The following MAP4 variants were observed in gnomAD, a reference collection of about 807,000 sequenced individuals.
MAP4 encodes the protein microtubule-associated protein 4.
A neutral mutation model predicts 170.2 loss-of-function variants in MAP4; 76 were observed. The observed-to-expected ratio is 0.45, with a 90% CI of 0.37 to 0.54. MAP4 has a LOEUF of 0.54. MAP4 is among the 20% of genes least tolerant of loss of function. MAP4 has a pLI of 0.00. For synonymous variants in MAP4, 909 were observed against 994.5 expected (o/e 0.91, Z 1.62); for missense variants, 2,506 against 2,748.0 (o/e 0.91, Z 1.97).
intron 1 of MAP4, among the ~76,000 whole-genome samples, chr3:48,004,144 TG>T (rs2100100910): frequency 6.6e-6 from 1 of 152,188 alleles, no homozygotes; most frequent in Non-Finnish European, 1.5e-5. Context: ...ACACAGACTC[TG>T]GTACCAGGAG....
intron 19 of MAP4, among the ~76,000 whole-genome samples, chr3:47,854,747 G>A (rs1387197924): frequency 1.5e-5 from 1 of 66,302 alleles, no homozygotes; most frequent in African/African-American, 1.1e-4. Flanking sequence ...CCCCAGGCAG[G>A]CCCTGCAGAG....
chr3:48,028,771 C>CA (rs35837534), intron 1 of MAP4, among the ~76,000 whole-genome samples: 80 of 142,210 alleles, frequency 5.6e-4, no homozygotes, highest in Admixed American at 1.0e-3. Context: ...GACTCCTTCT[C>CA]AAAAAAAAAA....
intron 17 of MAP4, among the ~76,000 whole-genome samples, chr3:47,865,260 A>C (rs2077372733): frequency 6.6e-6 from 1 of 152,220 alleles, no homozygotes; most frequent in Admixed American, 6.5e-5. Flanking sequence ...ATATATCTCT[A>C]TGTCTCACCT....
chr3:47,932,834 T>C (rs1051089350), intron 3 of MAP4, among the ~76,000 whole-genome samples: 1 of 151,986 alleles, frequency 6.6e-6, no homozygotes, highest in Non-Finnish European at 1.5e-5. Flanking sequence ...TGGGCTCAAG[T>C]AATCCTCTTG....
chr3:47,853,213 C>A lies in MAP4; in HGVS notation c.6836G>T (p.Gly2279Val), dbSNP rs535600402. ...GGTCTGGGCCTCCCTTTGGTCACCA[C>A]CCCCTGACAGGGTGGGGTGGCCATT... ...GLNGHPTLSG[G>V]GDQREAQTLD... Residue 2279 changes from glycine to valine, a missense_variant, in exon 20 of 21, where the codon GGT becomes GTT. By Grantham distance (109) the Gly-to-Val change is moderately radical. This residue lies in a region of MAP4 where 487 missense variants were observed against 511.6 expected (regional missense o/e 0.95). Coordinates refer to ENST00000683076, the MANE Select transcript of MAP4 (RefSeq NM_001385682.1). 15 of 1,579,312 alleles carry A rather than the reference C, an allele frequency of 9.5e-6. No homozygotes were observed. Among genetic ancestry groups the A allele is most frequent in the African/African-American group, 2.7e-5 (2 of 73,964 alleles).
chr3:47,916,032 T>C lies in MAP4; in HGVS notation c.1795A>G (p.Lys599Glu). The part of the protein sequence containing the change: ...IKDMEIAQTQ[K>E]GISEDSHLES... ...AAATGGGAATCCTCACTTATTCCTT[T>C]TTGTGTTTGTGCAATTTCCATGTCT... The change falls in exon 7 of 21, where the codon AAA (lysine) becomes GAA (glutamate). Residue 599 changes from lysine (K) to glutamate (E), a missense_variant. Lys to Glu is a moderately conservative substitution (Grantham distance 56, BLOSUM62 1). Around this residue, in one of 3 missense-constraint regions of MAP4, gnomAD observed 2,008 missense variants for 2,206.0 expected, o/e 0.91. Transcript: ENST00000683076. The C allele has an allele frequency of 2.5e-6, 4 of 1,614,200 alleles. No individual in the cohort carries two copies. The East Asian group carries it at 6.7e-5, about 27-fold the overall frequency.
intron 10 of MAP4, chr3:47,892,940 G>T: frequency 1.0e-6 from 1 of 963,460 alleles, no homozygotes; most frequent in East Asian, 1.2e-4. Flanking sequence ...TCAGAAAACT[G>T]TTTTAAAAAT....
chr3:48,011,886 G>T (rs1308745464), intron 1 of MAP4, among the ~76,000 whole-genome samples: 1 of 152,122 alleles, frequency 6.6e-6, no homozygotes, highest in African/African-American at 2.4e-5. Flanking sequence ...AAACTAAAAA[G>T]GACGTCTGTA....
chr3:48,050,735 T>C (rs1464919592), intron 1 of MAP4, among the ~76,000 whole-genome samples: 1 of 151,692 alleles, frequency 6.6e-6, no homozygotes, highest in Non-Finnish European at 1.5e-5. Flanking sequence ...GTGAAATCCA[T>C]CTCTACTGAA....
intron 1 of MAP4, among the ~76,000 whole-genome samples, chr3:48,053,578 C>T (rs1424458392): frequency 4.6e-5 from 7 of 152,076 alleles, no homozygotes; most frequent in Non-Finnish European, 8.8e-5. Context: ...TACCCAAATA[C>T]CCAGTGTTTC....
intron 1 of MAP4, among the ~76,000 whole-genome samples, chr3:48,083,067 G>A (rs2100147394): frequency 6.6e-6 from 1 of 152,136 alleles, no homozygotes; most frequent in South Asian, 2.1e-4. Context: ...AAAGAATTGT[G>A]ACATCTAAAT....
rs1452834227 is a variant in MAP4 at position 48,056,529 on chromosome 3, G to C, written c.-20+32244C>G. Among the ~76,000 whole-genome samples, 9 of 67,784 alleles carry C rather than the reference G, an allele frequency of 1.3e-4. No homozygotes were observed. The East Asian group carries it at 3.3e-3, about 25-fold the overall frequency. 44.5% of individuals were successfully genotyped at this position (67,784 alleles called of 152,430 possible). Reference sequence around the variant, plus strand: ...CCCCCCGGCCAGCCGCCCCGTCTGGGAGGTGAGGGGCGCCTCTGCCCGGCC... The same window carrying C: ...CCCCCCGGCCAGCCGCCCCGTCTGGCAGGTGAGGGGCGCCTCTGCCCGGCC... On this transcript the variant is annotated intron_variant, in intron 1 of 18. Coordinates refer to the MAP4 transcript ENST00000360240.
intron 17 of MAP4, among the ~76,000 whole-genome samples, chr3:47,859,128 C>CAA (rs1013464762): frequency 6.8e-6 from 1 of 146,332 alleles, no homozygotes; most frequent in South Asian, 2.2e-4. Context: ...GACTCCGCCT[C>CAA]AAAAAAAAAA....
In MAP4 at chr3:47,952,111, C is replaced by T. The variant is rs1472812836; in HGVS notation, c.293-23761G>A. On this transcript the variant is annotated intron_variant, in intron 3 of 20. Transcript: ENST00000683076. ...CTGAGAAGTGAGGAGACCCTCCGCC[C>T]GGCAGCTGCCCCGTCTGAGAAGTGA... Among the ~76,000 whole-genome samples the T allele has an allele frequency of 4.1e-5, 6 of 147,290 alleles. No individual in the cohort carries two copies. The East Asian group carries it at 6.3e-4, about 15-fold the overall frequency.
rs2054791119 is a variant in MAP4, at chr3:47,855,794, T to G, written c.6584-434A>C. On this transcript the variant is annotated intron_variant, in intron 18 of 20. Coordinates refer to ENST00000683076, the MANE Select transcript of MAP4 (RefSeq NM_001385682.1). This position sits in a 1 kb window ranked among gnomAD's most constrained non-coding sequence, Gnocchi z 5.1. ...GCCCTGTCATCACGGCCACGGTCCC[T>G]GCTTCCCAGCCGGTAAAACTGATGC... Among the ~76,000 whole-genome samples the G allele has an allele frequency of 6.6e-6, 1 of 152,210 alleles. No individual in the cohort carries two copies. Among genetic ancestry groups the G allele is most frequent in the South Asian group, 2.1e-4 (1 of 4,828 alleles).
chr3:47,869,724 G>T (rs2087755414), intron 15 of MAP4, among the ~76,000 whole-genome samples: 1 of 152,100 alleles, frequency 6.6e-6, no homozygotes, highest in Admixed American at 6.6e-5. Flanking sequence ...GTCACAGGAA[G>T]TCAATACTGA....
chr3:48,062,436 C>T (rs1194238071), intron 1 of MAP4, among the ~76,000 whole-genome samples: 1 of 139,962 alleles, frequency 7.1e-6, no homozygotes, highest in Non-Finnish European at 1.5e-5. Flanking sequence ...CTTCCCTCCA[C>T]TATTGTCCTA....
chr3:48,034,712 A>G (rs2100117910), intron 1 of MAP4, among the ~76,000 whole-genome samples: 1 of 151,022 alleles, frequency 6.6e-6, no homozygotes, highest in South Asian at 2.1e-4. Context: ...CCAAAAAATA[A>G]AAAATTTTTT....
At chr3:48,056,153 G>A (rs1385369791) in intron 1 of MAP4, among the ~76,000 whole-genome samples, 10 of 142,794 alleles carry the variant, frequency 7.0e-5, no homozygotes, top group East Asian at 6.6e-4. Flanking sequence ...CGCCCCATCC[G>A]GGAGGGAGGT....
Sources: allele counts gnomAD v4.1 joint callset (sites outside exome capture counted in the v4.1 genomes callset), GRCh38; gene constraint gnomAD v4.1.1; regional missense constraint gnomAD v4.1.1; non-coding constraint Gnocchi (gnomAD v3.1); transcripts MANE v1.5; gene names NCBI Gene and HGNC (gene_info 2026-07-23, HGNC 2026-07-21).